AAK1: variants seen among roughly 807,000 people sequenced by gnomAD.
AAK1 encodes AP2 associated kinase 1.
AAK1 carries 37 observed loss-of-function variants against 116.0 expected under a neutral mutation model. The ratio of observed to expected loss-of-function variants is 0.32; its 90% CI spans 0.25 to 0.42. The LOEUF is 0.42. Ranked by LOEUF, AAK1 falls within the 10% of genes least tolerant of loss-of-function variation. The pLI is 1.00. For synonymous variants in AAK1, 458 were observed against 439.9 expected, an observed-to-expected ratio of 1.04 and a Z score of -0.51; for missense variants, 919 against 1,170.6, an observed-to-expected ratio of 0.79 and a Z score of 3.14.
chr2:69,562,222 C>T (rs890659459), intron 2 of AAK1, among the ~76,000 whole-genome samples: 1 of 152,208 alleles, frequency 6.6e-6, no homozygotes, highest in Non-Finnish European at 1.5e-5. Context: ...CTGTTTGTTC[C>T]ACATCCTTAC....
intron 2 of AAK1, among the ~76,000 whole-genome samples, chr2:69,630,360 G>A (rs1176413467): frequency 9.4e-6 from 1 of 106,368 alleles, no homozygotes; most frequent in Non-Finnish European, 2.0e-5. Flanking sequence ...GGGGGAGGGA[G>A]AGGGAGGGGG....
chr2:69,570,436 G>T (rs1210225031), intron 2 of AAK1, among the ~76,000 whole-genome samples: 1 of 151,952 alleles, frequency 6.6e-6, no homozygotes, highest in African/African-American at 2.4e-5. Flanking sequence ...ATAATGTATT[G>T]TGATTATCTT....
At chr2:69,620,746 G>C (rs942234105) in intron 2 of AAK1, among the ~76,000 whole-genome samples, 2 of 152,032 alleles carry the variant, frequency 1.3e-5, no homozygotes, top group African/African-American at 2.4e-5. Flanking sequence ...TCACCTTTAA[G>C]GGCTCTCCTT....
intron 16 of AAK1, 25 bp from the exon 17 acceptor site, chr2:69,496,105 A>G: frequency 6.6e-7 from 1 of 1,515,630 alleles, no homozygotes; most frequent in African/African-American, 1.4e-5. Context: ...GAGGGGAAGG[A>G]GGAGTCAGGA....
At position 69,643,701 on chromosome 2, in the gene AAK1, C is replaced by T; in HGVS notation, c.-361G>A. ...AGCCGGGGCCGCGCTCGGCTCCCGC[C>T]CGCCCGCCAGCTGATCCCGGGAGCG... On this transcript the variant is annotated 5_prime_UTR_variant, in exon 1 of 22. Transcript: ENST00000409085. The T allele has an allele frequency of 8.2e-7, 1 of 1,217,776 alleles. No individual in the cohort carries two copies. Among genetic ancestry groups the T allele is most frequent in the South Asian group, 4.2e-5 (1 of 23,850 alleles). The allele number at this position is 1,217,776 out of a possible 1,614,324, so 75.4% of individuals were successfully genotyped here. A position where few individuals can be genotyped will look rare whatever the true frequency, so the allele number is the denominator to read the frequency against.
rs564436608 is a variant in AAK1 at position 69,585,464 on chromosome 2, G to C, written c.164-28486C>G. ...TTCGGCACTGAGTTTTCCAAGTTCT[G>C]ACCCTGGACTGGGACAGTAGTTATG... On this transcript the variant is annotated intron_variant, in intron 2 of 21. Transcript: ENST00000409085. Among the ~76,000 whole-genome samples, 3 of 152,264 alleles carry C rather than the reference G, an allele frequency of 2.0e-5. No individual in the cohort carries two copies. In the South Asian group the frequency reaches 6.2e-4, roughly 32 times the overall value.
intron 3 of AAK1, among the ~76,000 whole-genome samples, chr2:69,546,456 C>G (rs1670929210): frequency 6.6e-6 from 1 of 152,090 alleles, no homozygotes; most frequent in African/African-American, 2.4e-5. Flanking sequence ...TTTACACATT[C>G]CTGAAAGTAG....
rs572752276 is a variant in AAK1, at chr2:69,624,647, A to C, written c.163+18231T>G. Among the ~76,000 whole-genome samples, 8 of 152,354 alleles carry C rather than the reference A, an allele frequency of 5.3e-5. No individual in the cohort carries two copies. The East Asian group carries it at 1.5e-3, about 29-fold the overall frequency. On this transcript the variant is annotated intron_variant, in intron 2 of 21. Coordinates refer to ENST00000409085, the MANE Select transcript of AAK1 (RefSeq NM_014911.5). ...TAAGACTTCTTGATTGCTTTCTTCC[A>C]TATCAACCAAAGATTATACAGTATA...
chr2:69,477,460 C>T (rs1674896841), intron 20 of AAK1, among the ~76,000 whole-genome samples: 1 of 152,062 alleles, frequency 6.6e-6, no homozygotes, highest in Non-Finnish European at 1.5e-5. Flanking sequence ...CAAAATACTG[C>T]TGGAAGGACT....
chr2:69,496,682 T>C (rs1047889172), intron 16 of AAK1, among the ~76,000 whole-genome samples: 7 of 152,188 alleles, frequency 4.6e-5, no homozygotes, highest in African/African-American at 9.6e-5. Context: ...TCTTTCAGAA[T>C]GTCGAGAGGA....
chr2:69,618,590 G>A (rs1377680888), intron 2 of AAK1, among the ~76,000 whole-genome samples: 1 of 152,060 alleles, frequency 6.6e-6, no homozygotes. Context: ...GCTCCTTTGA[G>A]CTCATGCCAC....
intron 17 of AAK1, among the ~76,000 whole-genome samples, chr2:69,493,880 A>G (rs1045703465): frequency 6.6e-6 from 1 of 152,172 alleles, no homozygotes; most frequent in Admixed American, 6.5e-5. Flanking sequence ...GGGTGGGAAC[A>G]AGCTTAGCTT....
chr2:69,584,504 C>T (rs1192096461), intron 2 of AAK1, among the ~76,000 whole-genome samples: 1 of 152,180 alleles, frequency 6.6e-6, no homozygotes, highest in East Asian at 1.9e-4. Context: ...GTAGGGGTAA[C>T]TTTTTCTCTT....
At chr2:69,514,235 A>C (rs758840733) in intron 13 of AAK1, among the ~76,000 whole-genome samples, 2 of 152,186 alleles carry the variant, frequency 1.3e-5, no homozygotes, top group Non-Finnish European at 2.9e-5. Context: ...AGAGTGATAA[A>C]AATTAAGAAG....
In AAK1 at chr2:69,542,577, T is replaced by C; in HGVS notation, c.480A>G (p.Glu160=). The C allele has an allele frequency of 1.2e-6, 2 of 1,614,058 alleles. No individual in the cohort carries two copies. The highest frequency in any genetic ancestry group is 1.7e-6 in the Non-Finnish European group (2 of 1,179,910). Residue 160 remains glutamate (E), a synonymous_variant, in exon 5 of 22, where the codon GAA becomes GAG. Transcript: ENST00000409085. Reference sequence around the variant, plus strand: ...TGCACTGATGCAGGCGGGCAACAGCTTCACAGGTATCACAAAATATCTGGA... The same window carrying C: ...TGCACTGATGCAGGCGGGCAACAGCCTCACAGGTATCACAAAATATCTGGA... ...EVLQIFCDTC[E]AVARLHQCKT...
At chr2:69,544,378 C>A in intron 4 of AAK1, 58 bp downstream of exon 4, 1 of 1,389,674 alleles carries the variant, frequency 7.2e-7, no homozygotes, top group Non-Finnish European at 1.0e-6. Flanking sequence ...ACCACCCTAA[C>A]CATGACAATC....
At chr2:69,553,366 C>T (rs185081826) in intron 3 of AAK1, among the ~76,000 whole-genome samples, 229 of 150,872 alleles carry the variant, frequency 1.5e-3, no homozygotes, top group African/African-American at 5.3e-3. Context: ...GAAATGATTT[C>T]CAACTCAGAA....
chr2:69,594,367 G>T (rs58330090), intron 2 of AAK1, among the ~76,000 whole-genome samples: 42 of 152,248 alleles, frequency 2.8e-4, no homozygotes, highest in African/African-American at 9.6e-4. Context: ...ATCATTCTTT[G>T]CACTCAAGAA....
intron 3 of AAK1, among the ~76,000 whole-genome samples, chr2:69,547,176 C>T (rs373919226): frequency 4.6e-5 from 7 of 152,250 alleles, no homozygotes; most frequent in Admixed American, 1.3e-4. Context: ...AGAAAACATA[C>T]GTGCAAATCT....
Sources: allele counts gnomAD v4.1 joint callset (sites outside exome capture counted in the v4.1 genomes callset), GRCh38; gene constraint gnomAD v4.1.1; transcripts MANE v1.5; gene names NCBI Gene and HGNC (gene_info 2026-07-23, HGNC 2026-07-21).